Variants in EPHA6 observed in about 807,000 individuals in gnomAD.
EPHA6 encodes EPH receptor A6.
In EPHA6, 50 loss-of-function variants were observed where a neutral mutation model predicts 112.0. The ratio of observed to expected loss-of-function variants is 0.45; its 90% CI spans 0.36 to 0.56. The LOEUF is 0.56. EPHA6 is among the 20% of genes least tolerant of loss of function. The pLI is 0.00. For missense variants in EPHA6, 1,280 were observed against 1,417.4 expected (o/e 0.90, Z 1.56); for synonymous variants, 529 against 490.7 (o/e 1.08, Z -1.03).
chr3:96,850,769 AGAG>A (rs1167010990), intron 1 of EPHA6, among the ~76,000 whole-genome samples: 11 of 152,288 alleles, frequency 7.2e-5, no homozygotes, highest in Non-Finnish European at 1.3e-4. Context: ...AATTTTTGAA[AGAG>A]GACATTTTAT....
intron 4 of EPHA6, among the ~76,000 whole-genome samples, chr3:97,233,053 T>A (rs1216884024): frequency 2.0e-5 from 3 of 152,156 alleles, no homozygotes; most frequent in Non-Finnish European, 4.4e-5. Flanking sequence ...AAGCAGCTGA[T>A]CACCAGCTTC....
intron 6 of EPHA6, among the ~76,000 whole-genome samples, chr3:97,424,806 C>CAAA (rs60277455): frequency 5.2e-4 from 27 of 52,070 alleles, no homozygotes; most frequent in African/African-American, 1.4e-3. Flanking sequence ...AACTCTGTCT[C>CAAA]AAAAAAAAAA....
chr3:97,225,362 G>T (rs2078324675), intron 3 of EPHA6, among the ~76,000 whole-genome samples: 1 of 152,170 alleles, frequency 6.6e-6, no homozygotes, highest in Non-Finnish European at 1.5e-5. Context: ...GTATAAGGTA[G>T]ATTTATTGAC....
In EPHA6 at chr3:97,475,453, A is replaced by G; in HGVS notation, c.1996A>G (p.Thr666Ala). Reference sequence around the variant, plus strand: ...CATCCTCACTTTATTCTTCTTGATCACTGGGAGGTAACTGAAACATACCAT... The same window carrying G: ...CATCCTCACTTTATTCTTCTTGATCGCTGGGAGGTAACTGAAACATACCAT... ...LVILTLFFLITGRCQWYIKAK... is the reference protein window; with the variant it reads ...LVILTLFFLIAGRCQWYIKAK... The change falls in exon 8 of 18, where the codon ACT becomes GCT. Residue 666 changes from threonine (T) to alanine (A), a missense_variant. Physicochemically the swap from Thr to Ala is moderately conservative, Grantham distance 58 (BLOSUM62 0). Around this residue, in one of 4 missense-constraint regions of EPHA6, gnomAD observed 878 missense variants for 999.7 expected, o/e 0.88. Transcript: ENST00000389672. 2.5e-6 allele frequency: 4 copies of G among 1,606,456 alleles called. No individual in the cohort carries two copies. Among genetic ancestry groups the G allele is most frequent in the Non-Finnish European group, 3.4e-6 (4 of 1,174,510 alleles).
intron 14 of EPHA6, among the ~76,000 whole-genome samples, chr3:97,690,709 C>T (rs1576295659): frequency 6.6e-6 from 1 of 152,096 alleles, no homozygotes; most frequent in South Asian, 2.1e-4. Flanking sequence ...CTCAGGTGAT[C>T]CACCCACCTC....
intron 5 of EPHA6, among the ~76,000 whole-genome samples, chr3:97,249,943 T>A (rs1400478868): frequency 6.6e-6 from 1 of 152,192 alleles, no homozygotes; most frequent in African/African-American, 2.4e-5. Flanking sequence ...TATACTTTAG[T>A]GTTAAAAAGT....
At chr3:97,484,373 T>C (rs1300560252) in intron 10 of EPHA6, among the ~76,000 whole-genome samples, 3 of 152,188 alleles carry the variant, frequency 2.0e-5, no homozygotes, top group Non-Finnish European at 4.4e-5. Context: ...CCAACATGTA[T>C]AGACATACAC....
intron 2 of EPHA6, among the ~76,000 whole-genome samples, chr3:96,981,783 T>G (rs4389493): frequency 0.95 from 144,269 of 152,198 alleles, 68,419 homozygotes; most frequent in East Asian, 1. Context: ...TTAGTCTTGG[T>G]AGGGTGTATG....
chr3:97,496,369 T>G (rs892549167), intron 10 of EPHA6, among the ~76,000 whole-genome samples: 1 of 152,196 alleles, frequency 6.6e-6, no homozygotes, highest in Admixed American at 6.5e-5. Context: ...CATTATTATT[T>G]CTTTTATCAT....
chr3:97,634,491 G>T (rs886132784), intron 13 of EPHA6, among the ~76,000 whole-genome samples: 2 of 151,968 alleles, frequency 1.3e-5, no homozygotes, highest in African/African-American at 4.8e-5. Flanking sequence ...GGGTTCCCTG[G>T]GAAAGATTGT....
At chr3:97,211,608 A>G (rs1030250783) in intron 3 of EPHA6, among the ~76,000 whole-genome samples, 3 of 152,134 alleles carry the variant, frequency 2.0e-5, no homozygotes, top group African/African-American at 7.2e-5. Context: ...TTCCCTTATA[A>G]GGGCACTAAT....
At chr3:97,232,234 G>T (rs1337764288) in intron 4 of EPHA6, among the ~76,000 whole-genome samples, 1 of 152,094 alleles carries the variant, frequency 6.6e-6, no homozygotes, top group Non-Finnish European at 1.5e-5. Context: ...TCATACTGTT[G>T]TCACAATGAT....
intron 5 of EPHA6, among the ~76,000 whole-genome samples, chr3:97,331,835 G>A (rs2082814474): frequency 6.6e-6 from 1 of 152,130 alleles, no homozygotes; most frequent in South Asian, 2.1e-4. Flanking sequence ...GGTACAAGGA[G>A]GAGCTGGTAC....
chr3:97,315,328 A>G (rs1349891225), intron 5 of EPHA6, among the ~76,000 whole-genome samples: 1 of 151,702 alleles, frequency 6.6e-6, no homozygotes, highest in African/African-American at 2.4e-5. Context: ...CTGCACAGCA[A>G]TATGCCTGTT....
chr3:97,671,484 G>T (rs965701637), intron 14 of EPHA6, among the ~76,000 whole-genome samples: 1 of 152,168 alleles, frequency 6.6e-6, no homozygotes, highest in Non-Finnish European at 1.5e-5. Flanking sequence ...TTGTTTGGTT[G>T]CAGAGTAGCA....
chr3:97,301,426 G>A (rs1313680885), intron 5 of EPHA6, among the ~76,000 whole-genome samples: 2 of 151,946 alleles, frequency 1.3e-5, no homozygotes, highest in Non-Finnish European at 2.9e-5. Flanking sequence ...TATGTATCAG[G>A]CAGTACTCAA....
At chr3:96,988,417 A>G (rs1159315598) in intron 3 of EPHA6, among the ~76,000 whole-genome samples, 7 of 152,176 alleles carry the variant, frequency 4.6e-5, no homozygotes, top group African/African-American at 1.7e-4. Flanking sequence ...AGCATCAACA[A>G]CAGCAACAAA....
At chr3:97,269,638 A>G (rs372544133) in intron 5 of EPHA6, among the ~76,000 whole-genome samples, 1 of 152,220 alleles carries the variant, frequency 6.6e-6, no homozygotes, top group African/African-American at 2.4e-5. Context: ...CCTACCCCAG[A>G]TATTCTGATG....
At chr3:97,539,948 C>T (rs935157244) in intron 11 of EPHA6, among the ~76,000 whole-genome samples, 1 of 152,096 alleles carries the variant, frequency 6.6e-6, no homozygotes, top group Non-Finnish European at 1.5e-5. Context: ...GATTCAGGAA[C>T]CTGGAGATCA....
Sources: allele counts gnomAD v4.1 joint callset (sites outside exome capture counted in the v4.1 genomes callset), GRCh38; gene constraint gnomAD v4.1.1; regional missense constraint gnomAD v4.1.1; transcripts MANE v1.5; gene names NCBI Gene and HGNC (gene_info 2026-07-23, HGNC 2026-07-21).